GPNMB: variants seen among roughly 807,000 people sequenced by gnomAD.
GPNMB encodes the protein glycoprotein nmb.
In GPNMB, 71 loss-of-function variants were observed where a neutral mutation model predicts 57.3. That is an observed-to-expected ratio of 1.24 (90% CI 1.02 to 1.51). The LOEUF is 1.51. Among genes scored for constraint, GPNMB ranks in the 40% most tolerant of loss-of-function variants. The pLI is 0.00. For missense variants in GPNMB, 677 were observed against 691.9 expected (o/e 0.98, Z 0.24); for synonymous variants, 253 against 263.2 (o/e 0.96, Z 0.38).
chr7:23,261,782 T>TA (rs1009469261), intron 6 of GPNMB, among the ~76,000 whole-genome samples: 6 of 151,774 alleles, frequency 4.0e-5, no homozygotes, highest in African/African-American at 9.7e-5. Flanking sequence ...AAGTAAAATT[T>TA]AAAAAAAAGA....
In GPNMB at chr7:23,260,044, A is replaced by T. The variant is rs1314318454; in HGVS notation, c.606A>T (p.Thr202=). The part of the protein sequence containing the change: ...VRVSVNTANV[T]LGPQLMEVTV... The stretch of plus-strand genomic sequence containing the variant: ...TTTCTGTGAACACAGCCAATGTGAC[A>T]CTTGGGCCTCAACTCATGGAAGTGA... Residue 202 remains threonine (T), a synonymous_variant, in exon 5 of 11, where the codon ACA becomes ACT. Coordinates refer to ENST00000258733, the MANE Select transcript of GPNMB (RefSeq NM_002510.3). 1 of 1,614,006 alleles carries T rather than the reference A, an allele frequency of 6.2e-7. No individual in the cohort carries two copies. Among genetic ancestry groups the T allele is most frequent in the South Asian group, 1.1e-5 (1 of 91,086 alleles).
At chr7:23,265,120 A>AG (rs1783026338) in intron 6 of GPNMB, among the ~76,000 whole-genome samples, 1 of 152,208 alleles carries the variant, frequency 6.6e-6, no homozygotes, top group Non-Finnish European at 1.5e-5. Context: ...CCTTTACCTG[A>AG]GCAGCATTTC....
At chr7:23,254,642 CTT>C in intron 3 of GPNMB, among the ~76,000 whole-genome samples, 1 of 152,214 alleles carries the variant, frequency 6.6e-6, no homozygotes, top group Non-Finnish European at 1.5e-5. Context: ...ACTTGGAACT[CTT>C]TTGGCTACTC....
chr7:23,269,992 A>G lies in GPNMB; in HGVS notation c.1246A>G (p.Ile416Val), dbSNP rs142711480. The change falls in exon 9 of 11, where the codon ATT (isoleucine) becomes GTT (valine). Residue 416 changes from isoleucine to valine, a missense_variant. By Grantham distance (29) the Ile-to-Val change is conservative. Coordinates refer to ENST00000258733, the MANE Select transcript of GPNMB (RefSeq NM_002510.3). ...CATTCCCACGGAGGTCTGTACCATC[A>G]TTTCTGACCCCACCTGCGAGATCAC... is the stretch of plus-strand genomic sequence containing the variant. ...GSIPTEVCTI[I>V]SDPTCEITQN... 25 of 1,613,724 alleles carry G rather than the reference A, an allele frequency of 1.5e-5. No homozygotes were observed. The highest frequency in any genetic ancestry group is 2.1e-5 in the Non-Finnish European group (25 of 1,179,942).
chr7:23,271,522 G>A (rs1311617562), intron 9 of GPNMB, among the ~76,000 whole-genome samples: 5 of 152,158 alleles, frequency 3.3e-5, no homozygotes, highest in Admixed American at 6.6e-5. Context: ...CCAGCTGGGC[G>A]CGGTGGCTCA....
rs1782607835 is a variant in GPNMB, at chr7:23,249,259, A to G, written c.70+2332A>G. Among the ~76,000 whole-genome samples, 4 of 152,326 alleles carry G rather than the reference A, an allele frequency of 2.6e-5. No individual in the cohort carries two copies. The South Asian group carries it at 8.3e-4, about 32-fold the overall frequency. ...TTCAACTTTTTATTGTGAGGTATTT[A>G]TAGATTCACATACTGTTGTAAGAAA... is the stretch of plus-strand genomic sequence containing the variant. On this transcript the variant is annotated intron_variant, in intron 1 of 10. Transcript: ENST00000258733.
intron 9 of GPNMB, among the ~76,000 whole-genome samples, chr7:23,272,419 C>G (rs754331792): frequency 1.3e-5 from 2 of 151,698 alleles, no homozygotes; most frequent in Non-Finnish European, 2.9e-5. Flanking sequence ...CCCTTGAGCC[C>G]AGAAGTCCAG....
At chr7:23,260,388 G>A (rs536732003) in intron 5 of GPNMB, 68 bp from the exon 6 acceptor site, 29 of 1,280,600 alleles carry the variant, frequency 2.3e-5, no homozygotes, top group Middle Eastern at 1.9e-4. Flanking sequence ...TAAAAGCATC[G>A]TCGAAGCCCT....
At chr7:23,249,214 A>G (rs895184527) in intron 1 of GPNMB, among the ~76,000 whole-genome samples, 2 of 152,198 alleles carry the variant, frequency 1.3e-5, no homozygotes, top group African/African-American at 4.8e-5. Flanking sequence ...GAGCCATTGC[A>G]TCCGGCCTTT....
At position 23,270,099 on chromosome 7, in the gene GPNMB, G is replaced by A. The variant is rs137894172; in HGVS notation, c.1353G>A (p.Thr451=). The change falls in exon 9 of 11, where the codon ACG becomes ACA. Residue 451 remains threonine (T), a synonymous_variant. Transcript: ENST00000258733. ...GACGAACCTTCAATGGGTCTGGGAC[G>A]TACTGTGTGAACCTCACCCTGGGGG... ...TVRRTFNGSG[T]YCVNLTLGDD... is the part of the protein sequence containing the mutation. 123 of 1,613,920 alleles carry A rather than the reference G, an allele frequency of 7.6e-5. No homozygotes were observed. The highest frequency in any genetic ancestry group is 1.6e-4 in the Middle Eastern group (1 of 6,084).
Position 23,260,483 on chromosome 7 carries a change from T to C in GPNMB, c.728T>C (p.Phe243Ser). 6.2e-7 allele frequency: 1 copy of C among 1,613,520 alleles called. No homozygotes were observed. Among genetic ancestry groups the C allele is most frequent in the Non-Finnish European group, 8.5e-7 (1 of 1,179,534 alleles). The change falls in exon 6 of 11, where the codon TTC becomes TCC. Residue 243 changes from phenylalanine to serine, a missense_variant. Physicochemically the swap from Phe to Ser is radical, Grantham distance 155. Coordinates refer to ENST00000258733, the MANE Select transcript of GPNMB (RefSeq NM_002510.3). Reference sequence around the variant, plus strand: ...CAGATTCCTGTGTTTGTGACTATGTTCCAGAAGAACGATCGAAATTCATCC... The same window carrying C: ...CAGATTCCTGTGTTTGTGACTATGTCCCAGAAGAACGATCGAAATTCATCC... Reference protein sequence around the residue: ...TDQIPVFVTMFQKNDRNSSDE... With the variant: ...TDQIPVFVTMSQKNDRNSSDE...
chr7:23,250,941 T>C (rs977860464), intron 1 of GPNMB: 4 of 152,222 alleles, frequency 2.6e-5, no homozygotes, highest in African/African-American at 9.6e-5. Flanking sequence ...TCTTAGTTCT[T>C]TTCATATGAC....
chr7:23,256,858 A>C (rs758693391), intron 3 of GPNMB, 34 bp from the exon 4 acceptor site: 1 of 1,594,164 alleles, frequency 6.3e-7, no homozygotes, highest in Non-Finnish European at 8.6e-7. Flanking sequence ...CTGAGCCTAG[A>C]TAACACTCAT....
rs150499567 is a variant in GPNMB, at chr7:23,246,867, C to T, written c.10C>T (p.Leu4Phe). 1.1e-4 allele frequency: 182 copies of T among 1,613,386 alleles called. 1 individual carries two copies. Among genetic ancestry groups the T allele is most frequent in the Non-Finnish European group, 1.5e-4 (173 of 1,179,480 alleles). The change falls in exon 1 of 11, where the codon CTC (leucine) becomes TTC (phenylalanine). Residue 4 changes from leucine (L) to phenylalanine (F), a missense_variant. Physicochemically the swap from Leu to Phe is conservative, Grantham distance 22. Coordinates refer to ENST00000258733, the MANE Select transcript of GPNMB (RefSeq NM_002510.3). MEC[L>F]YYFLGFLLLA... ...TCCGTGAGAATTCAGCATGGAATGTCTCTACTATTTCCTGGGATTTCTGCT... is the reference window on the plus strand; with the variant it reads ...TCCGTGAGAATTCAGCATGGAATGTTTCTACTATTTCCTGGGATTTCTGCT...
chr7:23,255,081 C>T (rs753889538), intron 3 of GPNMB, among the ~76,000 whole-genome samples: 16 of 152,132 alleles, frequency 1.1e-4, no homozygotes, highest in South Asian at 2.1e-4. Flanking sequence ...TGCAATGGCG[C>T]GATCTTGGTT....
intron 6 of GPNMB, among the ~76,000 whole-genome samples, chr7:23,263,514 A>G (rs896885040): frequency 3.3e-5 from 5 of 151,186 alleles, no homozygotes; most frequent in Non-Finnish European, 7.4e-5. Flanking sequence ...TGGGAGGCTG[A>G]GGCAGAAGAA....
chr7:23,256,700 T>C (rs1782786250), intron 3 of GPNMB, among the ~76,000 whole-genome samples, 192 bp from the exon 4 acceptor site: 1 of 152,254 alleles, frequency 6.6e-6, no homozygotes, highest in Non-Finnish European at 1.5e-5. Context: ...CATTGAAATA[T>C]AACAAATTCA....
intron 6 of GPNMB, among the ~76,000 whole-genome samples, chr7:23,263,195 T>C (rs949709586): frequency 1.3e-5 from 2 of 152,236 alleles, no homozygotes; most frequent in African/African-American, 4.8e-5. Context: ...TGCATTTTTA[T>C]TAAACTAGCT....
intron 1 of GPNMB, chr7:23,247,322 C>A: frequency 4.5e-6 from 1 of 223,824 alleles, no homozygotes; most frequent in South Asian, 6.7e-5. Context: ...AATGGGGTCT[C>A]CAATCTGGAG....
Sources: gnomAD v4.1 joint callset for allele counts (sites outside exome capture counted in the v4.1 genomes callset) on GRCh38, gnomAD v4.1.1 for gene constraint, MANE v1.5 for transcripts, NCBI Gene and HGNC (gene_info 2026-07-23, HGNC 2026-07-21) for gene names.